The following DOK5 variants were observed in gnomAD, a reference collection of about 807,000 sequenced individuals.
The protein encoded by DOK5 is downstream of tyrosine kinase 5.
In DOK5, 27 loss-of-function variants were observed where a neutral mutation model predicts 43.3. That is an observed-to-expected ratio of 0.62 (90% CI 0.46 to 0.86). The LOEUF is 0.86. DOK5 is among the 40% of genes least tolerant of loss of function. DOK5 has a pLI of 0.00. For synonymous variants in DOK5, 146 were observed against 140.1 expected (o/e 1.04, Z -0.30); for missense variants, 373 against 392.9 (o/e 0.95, Z 0.43).
At chr20:54,605,519 A>G (rs145316588) in intron 5 of DOK5, among the ~76,000 whole-genome samples, 57 of 152,232 alleles carry the variant, frequency 3.7e-4, no homozygotes, top group African/African-American at 1.4e-3. Context: ...TGTTGGCTTC[A>G]CTTACCTGTG....
At chr20:54,484,171 G>A (rs2146659549) in intron 1 of DOK5, among the ~76,000 whole-genome samples, 1 of 152,058 alleles carries the variant, frequency 6.6e-6, no homozygotes, top group South Asian at 2.1e-4. Flanking sequence ...CCGAGGTCAG[G>A]AGTTCTAGAC....
chr20:54,491,133 A>G (rs1416500417), intron 1 of DOK5, among the ~76,000 whole-genome samples: 2 of 152,190 alleles, frequency 1.3e-5, no homozygotes, highest in Non-Finnish European at 2.9e-5. Context: ...ATGCAGAATC[A>G]TGCCTCACAA....
intron 1 of DOK5, among the ~76,000 whole-genome samples, chr20:54,482,250 G>A (rs914741748): frequency 2.6e-5 from 4 of 152,178 alleles, no homozygotes; most frequent in Non-Finnish European, 5.9e-5. Context: ...TTAACTTGGG[G>A]ACTGTTTTCT....
chr20:54,643,308 C>A, intron 6 of DOK5, 150 bp from the exon 7 acceptor site: 1 of 1,047,328 alleles, frequency 9.5e-7, no homozygotes, highest in Non-Finnish European at 1.4e-6. Flanking sequence ...CAGTAGCTGG[C>A]CACCATGCCC....
Position 54,610,501 on chromosome 20 carries a change from T to C in DOK5, c.713T>C (p.Leu238Pro). The C allele has an allele frequency of 6.6e-7, 1 of 1,523,578 alleles. No homozygotes were observed. The highest frequency in any genetic ancestry group is 8.8e-7 in the Non-Finnish European group (1 of 1,133,846). 94.4% of individuals were successfully genotyped at this position (1,523,578 alleles called of 1,614,324 possible). Residue 238 changes from leucine (L) to proline (P), a missense_variant, in exon 6 of 8, where the codon CTA (leucine) becomes CCA (proline). Physicochemically the swap from Leu to Pro is moderately conservative, Grantham distance 98. Coordinates refer to ENST00000262593, the MANE Select transcript of DOK5 (RefSeq NM_018431.5). ...ATAGCCGAGCAGCACGAGCGCTTGCTACAGAGTGTGAAAAACTCGATGGTA... is the reference window on the plus strand; with the variant it reads ...ATAGCCGAGCAGCACGAGCGCTTGCCACAGAGTGTGAAAAACTCGATGGTA... Reference protein sequence around the residue: ...LAIAEQHERLLQSVKNSMLQM... With the variant: ...LAIAEQHERLPQSVKNSMLQM...
intron 1 of DOK5, among the ~76,000 whole-genome samples, chr20:54,502,201 C>G (rs1018974664): frequency 6.6e-6 from 1 of 152,168 alleles, no homozygotes; most frequent in East Asian, 1.9e-4. Context: ...CCTAGTCATT[C>G]TTGTAGTTTG....
At chr20:54,543,317 G>A (rs991436839) in intron 1 of DOK5, among the ~76,000 whole-genome samples, 31 of 143,544 alleles carry the variant, frequency 2.2e-4, no homozygotes, top group African/African-American at 6.5e-4. Flanking sequence ...ATCTAGCTTC[G>A]TGGACAGTGG....
chr20:54,551,967 A>G (rs1256228544), intron 1 of DOK5, among the ~76,000 whole-genome samples: 1 of 152,134 alleles, frequency 6.6e-6, no homozygotes, highest in African/African-American at 2.4e-5. Context: ...AGCTGGGACT[A>G]CAGGCATGTG....
intron 1 of DOK5, among the ~76,000 whole-genome samples, chr20:54,502,624 A>G (rs1308465533): frequency 6.6e-6 from 1 of 152,148 alleles, no homozygotes; most frequent in East Asian, 1.9e-4. Flanking sequence ...ATATAGGTAT[A>G]TTTGTATATA....
At chr20:54,630,307 G>A (rs1399893857) in intron 6 of DOK5, among the ~76,000 whole-genome samples, 1 of 152,222 alleles carries the variant, frequency 6.6e-6, no homozygotes, top group Admixed American at 6.5e-5. Flanking sequence ...TTATAGAGTA[G>A]AGGAGATAGT....
chr20:54,502,302 T>G (rs971637398), intron 1 of DOK5, among the ~76,000 whole-genome samples: 1 of 152,222 alleles, frequency 6.6e-6, no homozygotes, highest in Non-Finnish European at 1.5e-5. Context: ...GTATCTTCTA[T>G]GTATAAGGTA....
At chr20:54,644,718 A>AAAAAAAAAAAAAAAAAAAC (rs1555839806) in intron 7 of DOK5, among the ~76,000 whole-genome samples, 1 of 142,574 alleles carries the variant, frequency 7.0e-6, no homozygotes, top group African/African-American at 2.9e-5. Context: ...AAAAAAAAAA[A>AAAAAAAAAAAAAAAAAAAC]AAAAAACAAA....
At chr20:54,535,614 A>G (rs76170114) in intron 1 of DOK5, among the ~76,000 whole-genome samples, 2,016 of 151,910 alleles carry the variant, frequency 0.013, 24 homozygotes, top group Non-Finnish European at 0.021. Flanking sequence ...TGTTTTATCT[A>G]TATGGAAATT....
chr20:54,572,127 CT>C (rs1484923589), intron 2 of DOK5, among the ~76,000 whole-genome samples: 2 of 151,278 alleles, frequency 1.3e-5, no homozygotes, highest in Non-Finnish European at 2.9e-5. Flanking sequence ...TATTCACCGT[CT>C]GTATGAACAA....
At chr20:54,571,720 C>A (rs533936245) in intron 2 of DOK5, among the ~76,000 whole-genome samples, 1 of 152,166 alleles carries the variant, frequency 6.6e-6, no homozygotes, top group Admixed American at 6.5e-5. Flanking sequence ...GTTCCATTTG[C>A]CTGCTTAAGC....
chr20:54,530,841 T>C (rs768602884), intron 1 of DOK5, among the ~76,000 whole-genome samples: 38 of 152,178 alleles, frequency 2.5e-4, no homozygotes, highest in Non-Finnish European at 4.7e-4. Context: ...ACACCCATTA[T>C]TTCCCAAATG....
intron 6 of DOK5, among the ~76,000 whole-genome samples, chr20:54,616,779 TTTTTC>T (rs1568812930): frequency 1.7e-5 from 2 of 117,142 alleles, no homozygotes; most frequent in Admixed American, 8.5e-5. Flanking sequence ...TCTTTTTTTT[TTTTTC>T]TTTTTTTTTT....
rs189095048 is a variant in DOK5 at position 54,630,591 on chromosome 20, G to A, written c.736-12867G>A. On this transcript the variant is annotated intron_variant, in intron 6 of 7. Transcript: ENST00000262593. ...TTGTAGATAGATGGTATTTAAACCC[G>A]CCTGAATGACAAGCTGTCTCTGTGA... Among the ~76,000 whole-genome samples, 35 of 152,252 alleles carry A rather than the reference G, an allele frequency of 2.3e-4. 1 individual carries two copies. The East Asian group carries it at 5.8e-3, about 25-fold the overall frequency.
chr20:54,484,167 T>C (rs942209929), intron 1 of DOK5, among the ~76,000 whole-genome samples: 40 of 151,702 alleles, frequency 2.6e-4, no homozygotes, highest in Admixed American at 2.5e-3. Flanking sequence ...TCACCCGAGG[T>C]CAGGAGTTCT....
Sources: gnomAD v4.1 joint callset for allele counts (sites outside exome capture counted in the v4.1 genomes callset) on GRCh38, gnomAD v4.1.1 for gene constraint, MANE v1.5 for transcripts, NCBI Gene and HGNC (gene_info 2026-07-23, HGNC 2026-07-21) for gene names.